MCC: variants seen among roughly 807,000 people sequenced by gnomAD.
The protein encoded by MCC is colorectal mutant cancer protein.
In MCC, 90 loss-of-function variants were observed where a neutral mutation model predicts 116.2. The observed-to-expected ratio is 0.77, with a 90% CI of 0.65 to 0.92. The LOEUF (loss-of-function observed/expected upper bound fraction) is 0.92. MCC is among the 40% of genes least tolerant of loss of function. The pLI is 0.00. For missense variants in MCC, 1,516 were observed against 1,312.2 expected, an observed-to-expected ratio of 1.16 and a Z score of -2.40; for synonymous variants, 578 against 510.5, an observed-to-expected ratio of 1.13 and a Z score of -1.78.
chr5:113,152,471 C>T (rs935593719), intron 3 of MCC, among the ~76,000 whole-genome samples: 2 of 152,180 alleles, frequency 1.3e-5, no homozygotes, highest in Non-Finnish European at 2.9e-5. Flanking sequence ...ACAAACCAAC[C>T]CCTGGCTTTA....
Position 113,196,854 on chromosome 5 carries a change from A to G in MCC, c.628-45432T>C, listed in dbSNP as rs564291952. On this transcript the variant is annotated intron_variant, in intron 3 of 18. Coordinates refer to ENST00000408903, the MANE Select transcript of MCC (RefSeq NM_001085377.2). ...ACTCTATCTCAAAAATCAATCAATC[A>G]ATCTGTGGGCAAACAGAAGCACGTC... Among the ~76,000 whole-genome samples the G allele has an allele frequency of 7.2e-5, 11 of 152,200 alleles. No individual in the cohort carries two copies. In the East Asian group the frequency reaches 1.9e-3, roughly 27 times the overall value.
chr5:113,429,340 C>T (rs1770565843), intron 1 of MCC, among the ~76,000 whole-genome samples: 1 of 152,062 alleles, frequency 6.6e-6, no homozygotes, highest in Non-Finnish European at 1.5e-5. Context: ...AGGTGGGTGT[C>T]TGCAAGCCAG....
At chr5:113,441,748 C>T (rs1479497720) in intron 1 of MCC, among the ~76,000 whole-genome samples, 6 of 152,274 alleles carry the variant, frequency 3.9e-5, no homozygotes, top group East Asian at 1.9e-4. Context: ...TGAGAACATG[C>T]GGAGCTTGGT....
intron 5 of MCC, among the ~76,000 whole-genome samples, chr5:113,140,932 G>C (rs1759141452): frequency 6.6e-6 from 1 of 152,188 alleles, no homozygotes; most frequent in Non-Finnish European, 1.5e-5. Flanking sequence ...AACTTGACTG[G>C]ATTAAGGAAT....
chr5:113,033,881 C>T (rs564970278), intron 17 of MCC, among the ~76,000 whole-genome samples: 1 of 152,198 alleles, frequency 6.6e-6, no homozygotes, highest in East Asian at 1.9e-4. Context: ...ACTCTAACCG[C>T]AGAGCCAGGG....
At position 113,157,490 on chromosome 5, in the gene MCC, A is replaced by G. The variant is rs543661635; in HGVS notation, c.628-6068T>C. ...GAGGCAGAGGAATGAGTTCATCCCC[A>G]CAGGCCCTATCTAGATACATGCACC... On this transcript the variant is annotated intron_variant, in intron 3 of 18. Coordinates refer to ENST00000408903, the MANE Select transcript of MCC (RefSeq NM_001085377.2). 2.0e-5 allele frequency among the ~76,000 whole-genome samples: 3 copies of G among 152,366 alleles called. No individual in the cohort carries two copies. The East Asian group carries it at 5.8e-4, about 29-fold the overall frequency.
intron 3 of MCC, among the ~76,000 whole-genome samples, chr5:113,313,433 A>G (rs922716548): frequency 1.3e-5 from 2 of 152,180 alleles, no homozygotes; most frequent in African/African-American, 4.8e-5. Flanking sequence ...ACTGAAAGCA[A>G]AGTGAGCTTG....
At chr5:113,374,214 T>TG (rs1183185014) in intron 2 of MCC, among the ~76,000 whole-genome samples, 4 of 144,216 alleles carry the variant, frequency 2.8e-5, no homozygotes, top group South Asian at 2.1e-4. Flanking sequence ...TTTTTTTTTT[T>TG]TTGTTTTTTT....
intron 1 of MCC, among the ~76,000 whole-genome samples, chr5:113,429,699 G>T (rs1770576808): frequency 6.6e-6 from 1 of 152,102 alleles, no homozygotes; most frequent in Admixed American, 6.5e-5. Context: ...GTGGTGTTCT[G>T]TTCAGGGTTT....
chr5:113,382,032 T>G (rs1182666031), intron 2 of MCC, among the ~76,000 whole-genome samples: 1 of 152,066 alleles, frequency 6.6e-6, no homozygotes, highest in Non-Finnish European at 1.5e-5. Flanking sequence ...ATTGCCAACA[T>G]GGAGGCAGCA....
At chr5:113,354,470 TG>T (rs1394194103) in intron 2 of MCC, among the ~76,000 whole-genome samples, 1 of 150,094 alleles carries the variant, frequency 6.7e-6, no homozygotes, top group Non-Finnish European at 1.5e-5. Flanking sequence ...AGTCTTGCTC[TG>T]TCGGACAGGC....
intron 3 of MCC, among the ~76,000 whole-genome samples, chr5:113,218,316 G>A (rs1763403601): frequency 6.6e-6 from 1 of 152,146 alleles, no homozygotes; most frequent in African/African-American, 2.4e-5. Flanking sequence ...AGCTTCCTGA[G>A]ATTGGCTGGT....
At chr5:113,364,097 G>C (rs994290261) in intron 2 of MCC, among the ~76,000 whole-genome samples, 3 of 152,042 alleles carry the variant, frequency 2.0e-5, no homozygotes, top group Non-Finnish European at 4.4e-5. Context: ...TGGGCATGGT[G>C]GTGGGTGCCT....
chr5:113,416,390 C>G (rs34682492), intron 1 of MCC, among the ~76,000 whole-genome samples: 21,310 of 151,670 alleles, frequency 0.14, 1,799 homozygotes, highest in Non-Finnish European at 0.2. Flanking sequence ...GTGAATAGCC[C>G]CTGCACTCCA....
chr5:113,202,289 G>T (rs947537222), intron 3 of MCC, among the ~76,000 whole-genome samples: 1 of 151,830 alleles, frequency 6.6e-6, no homozygotes, highest in Non-Finnish European at 1.5e-5. Context: ...GAGTGCACAC[G>T]GAGCTTCTAT....
intron 3 of MCC, among the ~76,000 whole-genome samples, chr5:113,196,706 G>A (rs747767768): frequency 1.2e-4 from 19 of 152,104 alleles, no homozygotes; most frequent in Non-Finnish European, 1.9e-4. Flanking sequence ...AAAATTAGCC[G>A]AGCGTGGTGG....
chr5:113,197,307 G>A (rs1048644572), intron 3 of MCC, among the ~76,000 whole-genome samples: 1 of 152,100 alleles, frequency 6.6e-6, no homozygotes, highest in African/African-American at 2.4e-5. Flanking sequence ...AGAGAGAGGA[G>A]ATAGGTGACT....
At chr5:113,247,862 T>C (rs910977241) in intron 3 of MCC, among the ~76,000 whole-genome samples, 5 of 152,092 alleles carry the variant, frequency 3.3e-5, no homozygotes, top group Non-Finnish European at 5.9e-5. Flanking sequence ...TGGTCACCTA[T>C]GAAGATATAT....
chr5:113,132,234 T>G lies in MCC; in HGVS notation c.885-9408A>C, dbSNP rs371902045. ...AGTATTGTAAAGTGATCTTCATTCTTCCAGTTCAATGACAAACCCACCTAG... is the reference window on the plus strand; with the variant it reads ...AGTATTGTAAAGTGATCTTCATTCTGCCAGTTCAATGACAAACCCACCTAG... On this transcript the variant is annotated intron_variant, in intron 5 of 18. Coordinates refer to ENST00000408903, the MANE Select transcript of MCC (RefSeq NM_001085377.2). Among the ~76,000 whole-genome samples, 4 of 151,436 alleles carry G rather than the reference T, an allele frequency of 2.6e-5. No individual in the cohort carries two copies. The East Asian group carries it at 7.7e-4, about 29-fold the overall frequency.
Sources: gnomAD v4.1 joint callset for allele counts (sites outside exome capture counted in the v4.1 genomes callset) on GRCh38, gnomAD v4.1.1 for gene constraint, MANE v1.5 for transcripts, NCBI Gene and HGNC (gene_info 2026-07-23, HGNC 2026-07-21) for gene names.